SLC39A11: variants seen among roughly 807,000 people sequenced by gnomAD.
SLC39A11 encodes the protein zinc transporter ZIP11.
Under a neutral mutation model 36.1 loss-of-function variants are expected in SLC39A11, and 33 were observed. That is an observed-to-expected ratio of 0.91 (90% CI 0.69 to 1.22). SLC39A11 has a LOEUF of 1.22. Ranked by LOEUF, SLC39A11 falls within the 50% of genes most tolerant of loss-of-function variation. The pLI, the probability that SLC39A11 is intolerant of heterozygous loss-of-function variation, is 0.00. For missense variants in SLC39A11, 432 were observed against 430.3 expected (o/e 1.00, Z -0.03); for synonymous variants, 166 against 170.3 (o/e 0.97, Z 0.20).
Position 72,744,081 on chromosome 17 carries a change from CTG to C in SLC39A11, c.602-7364_602-7363del, listed in dbSNP as rs1408245440. ...CAACTCCATCCCTCCATGGCCTCCT[CTG>C]CGGAAAACAGTAACAAAAAGGGCAT... On this transcript the variant is annotated intron_variant, in intron 6 of 9. Coordinates refer to ENST00000255559, the MANE Select transcript of SLC39A11 (RefSeq NM_139177.4). Among the ~76,000 whole-genome samples the C allele has an allele frequency of 2.6e-5, 4 of 152,224 alleles. No individual in the cohort carries two copies. In the South Asian group the frequency reaches 8.3e-4, roughly 32 times the overall value.
At chr17:73,043,892 C>T (rs980744423) in intron 3 of SLC39A11, among the ~76,000 whole-genome samples, 1 of 152,156 alleles carries the variant, frequency 6.6e-6, no homozygotes, top group Admixed American at 6.5e-5. Flanking sequence ...TGAATCAAAT[C>T]CATATGGGAG....
chr17:72,705,343 G>A (rs1386643638), intron 7 of SLC39A11, among the ~76,000 whole-genome samples: 1 of 152,188 alleles, frequency 6.6e-6, no homozygotes, highest in African/African-American at 2.4e-5. Context: ...TAGAACATGA[G>A]GAATGTGGTT....
chr17:72,799,901 G>C (rs1231267808), intron 6 of SLC39A11, among the ~76,000 whole-genome samples: 1 of 151,566 alleles, frequency 6.6e-6, no homozygotes, highest in Non-Finnish European at 1.5e-5. Flanking sequence ...CCTACTCTCT[G>C]TTCTTACACC....
chr17:72,733,995 G>C (rs930706287), intron 7 of SLC39A11, among the ~76,000 whole-genome samples: 1 of 152,140 alleles, frequency 6.6e-6, no homozygotes, highest in Non-Finnish European at 1.5e-5. Flanking sequence ...GCCCCGACCT[G>C]CTATGAGTTG....
At position 72,905,889 on chromosome 17, in the gene SLC39A11, G is replaced by A. The variant is rs564801208; in HGVS notation, c.430+41863C>T. On this transcript the variant is annotated intron_variant, in intron 5 of 9. Transcript: ENST00000255559. ...CTGCCTCAGCCTCCTGAGTAGCTGG[G>A]ACTACAGGCGCCCGCCACCACGCCC... is the stretch of plus-strand genomic sequence containing the variant. Among the ~76,000 whole-genome samples the A allele has an allele frequency of 3.9e-5, 6 of 152,238 alleles. 1 individual carries two copies. In the South Asian group the frequency reaches 6.2e-4, roughly 16 times the overall value.
intron 7 of SLC39A11, among the ~76,000 whole-genome samples, chr17:72,700,768 T>C (rs2072572026): frequency 6.6e-6 from 1 of 152,188 alleles, no homozygotes; most frequent in Non-Finnish European, 1.5e-5. Context: ...GAAAGGCACA[T>C]CTCACATGGC....
Position 73,032,791 on chromosome 17 carries a change from A to T in SLC39A11, c.148-1077T>A, listed in dbSNP as rs995367090. The stretch of plus-strand genomic sequence containing the variant: ...ATTATCTCTAAAAAGGACGAAGGGA[A>T]CTAATATTTATTGATCACTTGGTAT... On this transcript the variant is annotated intron_variant, in intron 3 of 9. Coordinates refer to ENST00000255559, the MANE Select transcript of SLC39A11 (RefSeq NM_139177.4). 2.0e-5 allele frequency among the ~76,000 whole-genome samples: 3 copies of T among 152,336 alleles called. No homozygotes were observed. In the East Asian group the frequency reaches 5.8e-4, roughly 29 times the overall value.
intron 4 of SLC39A11, among the ~76,000 whole-genome samples, chr17:72,952,286 C>T (rs1211419356): frequency 3.9e-5 from 6 of 152,224 alleles, no homozygotes; most frequent in Non-Finnish European, 7.3e-5. Context: ...CAACATTCCT[C>T]CAACTCTCAA....
At chr17:72,940,217 A>C (rs1440513169) in intron 5 of SLC39A11, among the ~76,000 whole-genome samples, 2 of 151,916 alleles carry the variant, frequency 1.3e-5, no homozygotes, top group Middle Eastern at 3.5e-3. Context: ...CTTTAACTTC[A>C]TGATAGCATA....
At chr17:72,838,876 T>A (rs1035377046) in intron 6 of SLC39A11, among the ~76,000 whole-genome samples, 3 of 152,196 alleles carry the variant, frequency 2.0e-5, no homozygotes, top group African/African-American at 7.2e-5. Context: ...ATGATAGCAG[T>A]GGAGGCAGGC....
chr17:73,057,083 C>T (rs1238095239), intron 3 of SLC39A11, among the ~76,000 whole-genome samples: 1 of 152,172 alleles, frequency 6.6e-6, no homozygotes, highest in Non-Finnish European at 1.5e-5. Context: ...GCCTCAGCCT[C>T]CTGAGTACAG....
intron 4 of SLC39A11, among the ~76,000 whole-genome samples, chr17:72,963,870 A>G (rs995182823): frequency 6.6e-6 from 1 of 152,210 alleles, no homozygotes; most frequent in Non-Finnish European, 1.5e-5. Context: ...TTAGGGACCC[A>G]TGAACAGTTT....
At chr17:72,872,110 G>A (rs1385422517) in intron 5 of SLC39A11, among the ~76,000 whole-genome samples, 1 of 152,232 alleles carries the variant, frequency 6.6e-6, no homozygotes, top group Non-Finnish European at 1.5e-5. Context: ...GGTAAAGAGA[G>A]TAATGTCTAT....
At chr17:72,967,335 A>T (rs2148001172) in intron 4 of SLC39A11, among the ~76,000 whole-genome samples, 1 of 151,452 alleles carries the variant, frequency 6.6e-6, no homozygotes, top group Admixed American at 6.6e-5. Context: ...ATAAGAAAAC[A>T]CCCTCATGAG....
chr17:72,946,797 G>C (rs1264279036), intron 5 of SLC39A11, among the ~76,000 whole-genome samples: 1 of 152,122 alleles, frequency 6.6e-6, no homozygotes, highest in African/African-American at 2.4e-5. Flanking sequence ...AAACAATGAG[G>C]GGCAAGAAGG....
chr17:72,982,897 T>C (rs753161297), intron 4 of SLC39A11, among the ~76,000 whole-genome samples: 7 of 152,196 alleles, frequency 4.6e-5, no homozygotes, highest in Non-Finnish European at 8.8e-5. Flanking sequence ...GGGCTGCAAG[T>C]GTTTGGAGTA....
intron 4 of SLC39A11, among the ~76,000 whole-genome samples, chr17:72,992,011 G>A (rs1568083399): frequency 6.6e-6 from 1 of 152,154 alleles, no homozygotes; most frequent in Non-Finnish European, 1.5e-5. Flanking sequence ...ACTGAATATT[G>A]TCAAACCTTT....
intron 5 of SLC39A11, among the ~76,000 whole-genome samples, chr17:72,873,151 T>C (rs1281822250): frequency 6.6e-5 from 10 of 152,086 alleles, no homozygotes; most frequent in Admixed American, 6.5e-4. Context: ...CTCCTATTCT[T>C]AACATCGCTA....
At chr17:72,840,394 G>C (rs2078748807) in intron 6 of SLC39A11, among the ~76,000 whole-genome samples, 1 of 152,246 alleles carries the variant, frequency 6.6e-6, no homozygotes, top group Non-Finnish European at 1.5e-5. Flanking sequence ...AAGGCAGCAA[G>C]AGTCTGCCAA....
Sources: gnomAD v4.1 joint callset for allele counts (sites outside exome capture counted in the v4.1 genomes callset) on GRCh38, gnomAD v4.1.1 for gene constraint, MANE v1.5 for transcripts, NCBI Gene and HGNC (gene_info 2026-07-23, HGNC 2026-07-21) for gene names.